The following MLLT3 variants were observed in gnomAD, a reference collection of about 807,000 sequenced individuals.
The protein encoded by MLLT3 is MLLT3 super elongation complex subunit.
MLLT3 carries 4 observed loss-of-function variants against 53.2 expected under a neutral mutation model. The ratio of observed to expected loss-of-function variants is 0.08; its 90% CI spans 0.04 to 0.17. The LOEUF (loss-of-function observed/expected upper bound fraction) is 0.17. MLLT3 is among the 10% of genes least tolerant of loss of function. The pLI is 1.00. For missense variants in MLLT3, 569 were observed against 684.0 expected (o/e 0.83, Z 1.87); for synonymous variants, 283 against 230.6 (o/e 1.23, Z -2.06).
At chr9:20,513,158 C>A (rs1817802779) in intron 2 of MLLT3, among the ~76,000 whole-genome samples, 1 of 152,208 alleles carries the variant, frequency 6.6e-6, no homozygotes, top group African/African-American at 2.4e-5. Flanking sequence ...TTCATCCTGG[C>A]AGACAGCCTA....
At chr9:20,350,769 T>C (rs1281163759) in intron 10 of MLLT3, among the ~76,000 whole-genome samples, 1 of 152,112 alleles carries the variant, frequency 6.6e-6, no homozygotes, top group African/African-American at 2.4e-5. Context: ...GTTGGATGTC[T>C]CATTTTGTTT....
chr9:20,544,189 A>C (rs375998916), intron 2 of MLLT3, among the ~76,000 whole-genome samples: 172 of 152,338 alleles, frequency 1.1e-3, no homozygotes, highest in Non-Finnish European at 1.9e-3. Flanking sequence ...ACCAAAACAT[A>C]ACACTTTATA....
At chr9:20,380,212 G>A (rs1821872912) in intron 5 of MLLT3, 1 of 151,846 alleles carries the variant, frequency 6.6e-6, no homozygotes, top group South Asian at 2.1e-4. Flanking sequence ...CTCACAGGAT[G>A]TCCTTCAACA....
chr9:20,489,292 G>A (rs1824888129), intron 2 of MLLT3, among the ~76,000 whole-genome samples: 1 of 152,114 alleles, frequency 6.6e-6, no homozygotes, highest in South Asian at 2.1e-4. Context: ...ATCTACAGAG[G>A]CAGGCCTATG....
At chr9:20,619,084 C>A (rs932404490) in intron 2 of MLLT3, among the ~76,000 whole-genome samples, 1 of 152,146 alleles carries the variant, frequency 6.6e-6, no homozygotes, top group Non-Finnish European at 1.5e-5. Context: ...GAGAGAGAAT[C>A]CGAGAAGCAG....
chr9:20,570,355 C>G (rs546644895), intron 2 of MLLT3, among the ~76,000 whole-genome samples: 1 of 152,254 alleles, frequency 6.6e-6, no homozygotes, highest in South Asian at 2.1e-4. Context: ...ACAGCAGAGT[C>G]AAAGTACTGT....
chr9:20,363,516 T>A lies in MLLT3; in HGVS notation c.1291A>T (p.Met431Leu). The change falls in exon 7 of 11, where the codon ATG becomes TTG. Residue 431 changes from methionine (M) to leucine (L), a missense_variant. Met to Leu is a conservative substitution (Grantham distance 15). Transcript: ENST00000380338. ...CCTCCTCTATTTACAGGCCTCTCCA[T>A]TTCAGAGTCATTGTCGTTATCCTCC... The part of the protein sequence containing the change: ...EVEDNDNDSE[M>L]ERPVNRGGSR... The A allele has an allele frequency of 1.2e-6, 2 of 1,614,138 alleles. No homozygotes were observed.
rs879643580 is a variant in MLLT3, at chr9:20,348,229, A to AT, written c.1576-1656dup. On this transcript the variant is annotated intron_variant, in intron 10 of 10. Coordinates refer to ENST00000380338, the MANE Select transcript of MLLT3 (RefSeq NM_004529.4). ...CTCCCTAATATCGATTTATTCCTTA[A>AT]TTTTTTTTTATTAACGGAAGGCCGT... Among the ~76,000 whole-genome samples the AT allele has an allele frequency of 3.0e-3, 456 of 151,900 alleles. 2 individuals are homozygous for AT. The highest frequency in any genetic ancestry group is 0.01 in the African/African-American group (431 of 41,412).
chr9:20,403,281 G>C (rs117973743), intron 5 of MLLT3, among the ~76,000 whole-genome samples: 1 of 152,278 alleles, frequency 6.6e-6, no homozygotes, highest in South Asian at 2.1e-4. Flanking sequence ...GTATAAAACT[G>C]TATGTGATTT....
At chr9:20,523,947 G>C (rs982896519) in intron 2 of MLLT3, among the ~76,000 whole-genome samples, 1 of 151,262 alleles carries the variant, frequency 6.6e-6, no homozygotes, top group Non-Finnish European at 1.5e-5. Context: ...CTCCAGCCTA[G>C]GCAACAGAGC....
At chr9:20,485,807 T>C (rs546292459) in intron 2 of MLLT3, among the ~76,000 whole-genome samples, 82 of 70,358 alleles carry the variant, frequency 1.2e-3, no homozygotes, top group African/African-American at 4.6e-3. Context: ...TGGAAAGCTA[T>C]AAAACAAAAC....
intron 2 of MLLT3, among the ~76,000 whole-genome samples, chr9:20,563,315 T>C (rs1274290356): frequency 1.3e-5 from 2 of 152,036 alleles, no homozygotes; most frequent in African/African-American, 4.8e-5. Context: ...TAAAGATCAC[T>C]TGCTATAACA....
chr9:20,509,009 TG>T (rs1343313465), intron 2 of MLLT3, among the ~76,000 whole-genome samples: 1 of 152,230 alleles, frequency 6.6e-6, no homozygotes, highest in Non-Finnish European at 1.5e-5. Flanking sequence ...TACAGGTCAA[TG>T]TACATCAGTG....
Position 20,621,896 on chromosome 9 carries a change from T to G in MLLT3, c.12+349A>C, listed in dbSNP as rs1821024220. The stretch of plus-strand genomic sequence containing the variant: ...TATGGCTGAGTTATTATTCGCCTCC[T>G]TCCACCGTGTGTGTGTGTGTGTGTG... On this transcript the variant is annotated intron_variant, in intron 1 of 10. Coordinates refer to ENST00000380338, the MANE Select transcript of MLLT3 (RefSeq NM_004529.4). The surrounding 1 kb of genome is among the most constrained non-coding windows in gnomAD (Gnocchi z 7.0). 7.3e-7 allele frequency: 1 copy of G among 1,363,734 alleles called. No individual in the cohort carries two copies. The highest frequency in any genetic ancestry group is 1.6e-5 in the African/African-American group (1 of 64,056). 84.5% of individuals were successfully genotyped at this position (1,363,734 alleles called of 1,614,324 possible).
chr9:20,565,628 C>G (rs1370856830), intron 2 of MLLT3, among the ~76,000 whole-genome samples: 1 of 151,816 alleles, frequency 6.6e-6, no homozygotes, highest in East Asian at 1.9e-4. Flanking sequence ...CCCAGGTTCA[C>G]TGAAAACCTA....
At chr9:20,518,203 G>A (rs1200773629) in intron 2 of MLLT3, among the ~76,000 whole-genome samples, 1 of 151,996 alleles carries the variant, frequency 6.6e-6, no homozygotes, top group East Asian at 1.9e-4. Context: ...AAATTAGCCG[G>A]GCGTGGTGGC....
intron 9 of MLLT3, 83 bp downstream of exon 9, chr9:20,354,725 C>A (rs1821120084): frequency 1.3e-5 from 12 of 902,666 alleles, no homozygotes; most frequent in Non-Finnish European, 2.2e-5. Context: ...AAAGGAGAAC[C>A]AGCAAGGATG....
intron 4 of MLLT3, among the ~76,000 whole-genome samples, chr9:20,417,653 T>C (rs1822904107): frequency 6.6e-6 from 1 of 152,116 alleles, no homozygotes; most frequent in Non-Finnish European, 1.5e-5. Context: ...TAAACATAAA[T>C]ATACATATAT....
chr9:20,509,608 T>C (rs1434031232), intron 2 of MLLT3, among the ~76,000 whole-genome samples: 1 of 152,222 alleles, frequency 6.6e-6, no homozygotes, highest in Non-Finnish European at 1.5e-5. Context: ...ATTGAAATAC[T>C]GTATGATACC....
Sources: allele counts gnomAD v4.1 joint callset (sites outside exome capture counted in the v4.1 genomes callset), GRCh38; gene constraint gnomAD v4.1.1; non-coding constraint Gnocchi (gnomAD v3.1); transcripts MANE v1.5; gene names NCBI Gene and HGNC (gene_info 2026-07-23, HGNC 2026-07-21).